The following FLI1 variants were observed in gnomAD, a reference collection of about 807,000 sequenced individuals.
FLI1 encodes the protein Friend leukemia integration 1 transcription factor.
In FLI1, 13 loss-of-function variants were observed where a neutral mutation model predicts 53.1. The ratio of observed to expected loss-of-function variants is 0.24; its 90% confidence interval spans 0.16 to 0.39. FLI1 has a LOEUF of 0.39. FLI1 is among the 10% of genes least tolerant of loss of function. The pLI, the probability that FLI1 is intolerant of heterozygous loss-of-function variation, is 1.00. For synonymous variants in FLI1, 244 were observed against 236.7 expected, an observed-to-expected ratio of 1.03 and a Z score of -0.28; for missense variants, 424 against 600.5, an observed-to-expected ratio of 0.71 and a Z score of 3.07.
upstream of FLI1, chr11:128,692,972 G>T (rs1346477633): frequency 6.6e-6 from 1 of 152,494 alleles, no homozygotes; most frequent in African/African-American, 2.4e-5. Context: ...CAGAGCGCGG[G>T]CCTCCGGGTC....
At position 128,694,581 on chromosome 11, in the gene FLI1, CA is replaced by C. The variant is rs149169629; in HGVS notation, c.18+306del. Reference sequence around the variant, plus strand: ...GGGACGGCGGGAAACCGGGGGACCCCAGGGTACGGAACGGAGTCAAGGGCGA... The same window carrying C: ...GGGACGGCGGGAAACCGGGGGACCCCGGGTACGGAACGGAGTCAAGGGCGA... On this transcript the variant is annotated intron_variant, in intron 1 of 8. Transcript: ENST00000527786. Among the ~76,000 whole-genome samples, 152,113 of 152,118 alleles carry C rather than the reference CA, an allele frequency of 1. 76,054 individuals are homozygous for C. The highest frequency in any genetic ancestry group is 1 in the Middle Eastern group (294 of 294).
intron 1 of FLI1, among the ~76,000 whole-genome samples, chr11:128,707,966 T>C (rs1275770994): frequency 6.6e-6 from 1 of 152,252 alleles, no homozygotes; most frequent in Non-Finnish European, 1.5e-5. Context: ...AGAAGCTTAA[T>C]AAATGTTGTT....
At chr11:128,720,631 C>T (rs1037128760) in intron 1 of FLI1, among the ~76,000 whole-genome samples, 2 of 152,226 alleles carry the variant, frequency 1.3e-5, no homozygotes, top group African/African-American at 4.8e-5. Context: ...ACACCCACAA[C>T]TCTGAATTTC....
intron 5 of FLI1, among the ~76,000 whole-genome samples, chr11:128,784,606 C>T (rs1326336466): frequency 2.0e-5 from 3 of 152,152 alleles, no homozygotes; most frequent in East Asian, 3.8e-4. Context: ...CTATGCCTTC[C>T]CCTTGTGAGG....
chr11:128,773,357 G>T (rs1941633296), intron 4 of FLI1, among the ~76,000 whole-genome samples: 1 of 152,042 alleles, frequency 6.6e-6, no homozygotes, highest in Admixed American at 6.6e-5. Flanking sequence ...ATTCCTCCAG[G>T]AAACTCTAGA....
At chr11:128,694,646 C>A (rs556667559) in intron 1 of FLI1, among the ~76,000 whole-genome samples, 88 of 368 alleles carry the variant, frequency 0.24, no homozygotes, top group African/African-American at 0.34. Context: ...ACACCCGGGG[C>A]TCCCGTGGCC....
chr11:128,740,670 G>A (rs1039822874), intron 1 of FLI1, among the ~76,000 whole-genome samples: 1 of 152,244 alleles, frequency 6.6e-6, no homozygotes, highest in African/African-American at 2.4e-5. Flanking sequence ...ATCCCTTTGG[G>A]TTATGACAGC....
At chr11:128,787,935 T>C (rs1942145604) in intron 5 of FLI1, among the ~76,000 whole-genome samples, 1 of 151,522 alleles carries the variant, frequency 6.6e-6, no homozygotes, top group South Asian at 2.1e-4. Context: ...GCCTCCTGAG[T>C]AGCTGGGACT....
intron 1 of FLI1, among the ~76,000 whole-genome samples, chr11:128,697,273 G>T (rs575696544): frequency 6.6e-6 from 1 of 152,226 alleles, no homozygotes; most frequent in Non-Finnish European, 1.5e-5. Context: ...CTGACTCAGT[G>T]CACGTGGTGT....
intron 1 of FLI1, among the ~76,000 whole-genome samples, chr11:128,738,258 G>C (rs965879443): frequency 2.0e-5 from 3 of 152,138 alleles, no homozygotes; most frequent in Admixed American, 6.6e-5. Context: ...CTGGACCTCT[G>C]GCTCCATGCT....
intron 1 of FLI1, among the ~76,000 whole-genome samples, chr11:128,737,406 G>A (rs192631929): frequency 1.3e-4 from 20 of 152,224 alleles, no homozygotes; most frequent in Admixed American, 9.2e-4. Context: ...CCACCACACC[G>A]GAACACGAGC....
At chr11:128,792,906 C>T (rs1490543047) in intron 5 of FLI1, among the ~76,000 whole-genome samples, 1 of 152,030 alleles carries the variant, frequency 6.6e-6, no homozygotes, top group Admixed American at 6.5e-5. Flanking sequence ...CACTTGAGCC[C>T]AGGAGTTCAA....
intron 1 of FLI1, among the ~76,000 whole-genome samples, chr11:128,727,559 T>A (rs888197266): frequency 7.2e-5 from 11 of 152,140 alleles, no homozygotes; most frequent in African/African-American, 2.7e-4. Flanking sequence ...GGCTGATGTA[T>A]CAGCTTCAAA....
At chr11:128,772,638 C>T in intron 3 of FLI1, 144 bp from the exon 4 acceptor site, 1 of 700,030 alleles carries the variant, frequency 1.4e-6, no homozygotes, top group Non-Finnish European at 2.5e-6. Flanking sequence ...GATGAGTGTT[C>T]TAGGGGAACC....
At chr11:128,773,049 G>A (rs1941623579) in intron 4 of FLI1, 64 bp downstream of exon 4, 2 of 1,470,862 alleles carry the variant, frequency 1.4e-6, no homozygotes, top group East Asian at 2.3e-5. Context: ...CCAGGGAGAG[G>A]AAGTCAGTGC....
chr11:128,795,215 A>G (rs1942396622), intron 5 of FLI1, among the ~76,000 whole-genome samples: 1 of 152,220 alleles, frequency 6.6e-6, no homozygotes, highest in Non-Finnish European at 1.5e-5. Flanking sequence ...CACTCTTCAA[A>G]ACCCGATTCA....
At chr11:128,694,382 C>G in intron 1 of FLI1, 106 bp downstream of exon 1, 1 of 894,558 alleles carries the variant, frequency 1.1e-6, no homozygotes. Flanking sequence ...GCCTCTCTCC[C>G]TTCCCTCCGC....
chr11:128,791,775 A>T (rs559573), intron 5 of FLI1, among the ~76,000 whole-genome samples: 3 of 151,510 alleles, frequency 2.0e-5, no homozygotes, highest in Admixed American at 6.6e-5. Flanking sequence ...CCATCCCTGA[A>T]CAAGGAAGCA....
chr11:128,744,987 A>G (rs1284887754), intron 1 of FLI1, among the ~76,000 whole-genome samples: 1 of 152,220 alleles, frequency 6.6e-6, no homozygotes, highest in Non-Finnish European at 1.5e-5. Context: ...TGGAGGAGGC[A>G]GAATGTGAGG....
Sources: allele counts gnomAD v4.1 joint callset (sites outside exome capture counted in the v4.1 genomes callset), GRCh38; gene constraint gnomAD v4.1.1; transcripts MANE v1.5; gene names NCBI Gene and HGNC (gene_info 2026-07-23, HGNC 2026-07-21).